Variants in RFX4 observed in about 807,000 individuals in gnomAD.
RFX4 encodes regulatory factor X4, also known as transcription factor RFX4.
RFX4 carries 10 observed loss-of-function variants against 95.0 expected under a neutral mutation model. The observed-to-expected ratio is 0.11, with a 90% CI of 0.06 to 0.18. The LOEUF is 0.18. Among genes scored for constraint, RFX4 ranks in the 10% least tolerant of loss-of-function variants. The pLI, the probability that RFX4 is intolerant of heterozygous loss-of-function variation, is 1.00. For missense variants in RFX4, 640 were observed against 922.0 expected (o/e 0.69, Z 3.96); for synonymous variants, 321 against 340.7 (o/e 0.94, Z 0.64).
At chr12:106,760,824 ATATT>A (rs1215333276) in intron 17 of RFX4, among the ~76,000 whole-genome samples, 1 of 151,674 alleles carries the variant, frequency 6.6e-6, no homozygotes, top group Non-Finnish European at 1.5e-5. Context: ...CTGTACATCC[ATATT>A]TATTTATCTG....
In RFX4 at chr12:106,651,662, G is replaced by A. The variant is rs528542867; in HGVS notation, c.192-2566G>A. 3.9e-5 allele frequency among the ~76,000 whole-genome samples: 6 copies of A among 152,266 alleles called. No individual in the cohort carries two copies. The East Asian group carries it at 1.2e-3, about 29-fold the overall frequency. ...GATCATGTCTTATGCCAACACAAGT[G>A]CCTACAGGAGCCAGACAAGGAACAG... On this transcript the variant is annotated intron_variant, in intron 3 of 17. Transcript: ENST00000392842.
chr12:106,742,450 T>A (rs893587925), intron 15 of RFX4, among the ~76,000 whole-genome samples: 2 of 152,192 alleles, frequency 1.3e-5, no homozygotes, highest in Admixed American at 6.5e-5. Flanking sequence ...CCCAAAGTGC[T>A]GGGATTATAG....
At chr12:106,608,623 A>AT (rs2039887600) in intron 1 of RFX4, among the ~76,000 whole-genome samples, 174 bp from the exon 2 acceptor site, 1 of 152,238 alleles carries the variant, frequency 6.6e-6, no homozygotes, top group South Asian at 2.1e-4. Flanking sequence ...AATGGTGCAC[A>AT]TGGAACTCCA....
At chr12:106,753,913 C>G (rs551768369) in intron 17 of RFX4, among the ~76,000 whole-genome samples, 2 of 152,244 alleles carry the variant, frequency 1.3e-5, no homozygotes, top group Admixed American at 6.5e-5. Context: ...CTCAGGGCCC[C>G]CACAAAATGA....
chr12:106,619,590 T>C (rs1188575752), intron 2 of RFX4, among the ~76,000 whole-genome samples: 1 of 152,190 alleles, frequency 6.6e-6, no homozygotes, highest in African/African-American at 2.4e-5. Flanking sequence ...TTATTCTTCT[T>C]GGGGATCACT....
intron 4 of RFX4, among the ~76,000 whole-genome samples, chr12:106,681,383 A>C (rs554008505): frequency 6.6e-6 from 1 of 152,078 alleles, no homozygotes; most frequent in Non-Finnish European, 1.5e-5. Context: ...CCCTTGTGCT[A>C]CTCCACACTG....
intron 15 of RFX4, among the ~76,000 whole-genome samples, chr12:106,734,858 C>T (rs1047030235): frequency 5.9e-5 from 9 of 151,890 alleles, no homozygotes; most frequent in Non-Finnish European, 7.4e-5. Context: ...GCCAAGAGTT[C>T]GAGACCACTC....
chr12:106,729,760 G>A (rs769396111), intron 13 of RFX4, among the ~76,000 whole-genome samples: 1 of 152,194 alleles, frequency 6.6e-6, no homozygotes, highest in Non-Finnish European at 1.5e-5. Context: ...GGATTAGGGA[G>A]GGTAAAGGAA....
At chr12:106,652,860 T>C (rs1198132699) in intron 3 of RFX4, among the ~76,000 whole-genome samples, 1 of 152,206 alleles carries the variant, frequency 6.6e-6, no homozygotes, top group Non-Finnish European at 1.5e-5. Flanking sequence ...CTTTGGCAAA[T>C]GCTCTCAGAG....
chr12:106,609,075 G>A (rs561553855), intron 2 of RFX4, among the ~76,000 whole-genome samples, 192 bp downstream of exon 2: 5 of 152,120 alleles, frequency 3.3e-5, no homozygotes, highest in East Asian at 1.9e-4. Context: ...AGGAAGACCT[G>A]GAAACTAAGA....
intron 3 of RFX4, among the ~76,000 whole-genome samples, chr12:106,643,884 A>G (rs2040686893): frequency 6.6e-6 from 1 of 152,228 alleles, no homozygotes; most frequent in Non-Finnish European, 1.5e-5. Context: ...CCTCAAAAGC[A>G]ACCCTATTCA....
intron 1 of RFX4, among the ~76,000 whole-genome samples, chr12:106,604,107 TTC>T (rs1285471874): frequency 2.7e-5 from 4 of 146,806 alleles, no homozygotes; most frequent in African/African-American, 7.6e-5. Context: ...TCACTACAGC[TTC>T]TCTCTCTTTT....
chr12:106,638,602 G>T (rs1361462118), intron 2 of RFX4, among the ~76,000 whole-genome samples: 1 of 152,148 alleles, frequency 6.6e-6, no homozygotes, highest in Non-Finnish European at 1.5e-5. Flanking sequence ...AACTGTGTGG[G>T]TTATGAACAA....
Position 106,586,249 on chromosome 12 carries a change from T to C in RFX4, c.43+2886T>C, listed in dbSNP as rs2039456281. On this transcript the variant is annotated intron_variant, in intron 1 of 17. Transcript: ENST00000392842. This position sits in a 1 kb window ranked among gnomAD's most constrained non-coding sequence, Gnocchi z 5.6. ...GGTTTGCAGTAAGCGCAGGCGCGCG[T>C]CCCGCTCGGCCCGCGCTACAGCCCC... Among the ~76,000 whole-genome samples, 1 of 151,970 alleles carries C rather than the reference T, an allele frequency of 6.6e-6. No individual in the cohort carries two copies. Among genetic ancestry groups the C allele is most frequent in the African/African-American group, 2.4e-5 (1 of 41,392 alleles).
At chr12:106,744,763 G>A (rs1028827081) in intron 15 of RFX4, among the ~76,000 whole-genome samples, 4 of 152,154 alleles carry the variant, frequency 2.6e-5, no homozygotes, top group African/African-American at 9.7e-5. Context: ...TTCACAGCCC[G>A]ACTGAACCAC....
chr12:106,604,208 C>T (rs1408995738), intron 1 of RFX4, among the ~76,000 whole-genome samples: 1 of 149,604 alleles, frequency 6.7e-6, no homozygotes, highest in Non-Finnish European at 1.5e-5. Flanking sequence ...GCAACCTCTG[C>T]CTCCAGGGTT....
At chr12:106,640,345 A>G (rs1185007423) in intron 3 of RFX4, among the ~76,000 whole-genome samples, 1 of 152,250 alleles carries the variant, frequency 6.6e-6, no homozygotes, top group Non-Finnish European at 1.5e-5. Context: ...TAGAGAAGAG[A>G]GGACAGATCA....
intron 17 of RFX4, among the ~76,000 whole-genome samples, chr12:106,758,023 T>C (rs1246358604): frequency 1.3e-5 from 2 of 152,198 alleles, no homozygotes; most frequent in African/African-American, 4.8e-5. Context: ...TTAAAATCAG[T>C]AGCAACAGCA....
At chr12:106,611,668 G>A (rs12322778) in intron 2 of RFX4, among the ~76,000 whole-genome samples, 4,153 of 152,058 alleles carry the variant, frequency 0.027, 174 homozygotes, top group African/African-American at 0.094. Flanking sequence ...ATGCCACTGC[G>A]CCAGGCTAAT....
Sources: gnomAD v4.1 joint callset for allele counts (sites outside exome capture counted in the v4.1 genomes callset) on GRCh38, gnomAD v4.1.1 for gene constraint, Gnocchi (gnomAD v3.1) non-coding constraint, MANE v1.5 for transcripts, NCBI Gene and HGNC (gene_info 2026-07-23, HGNC 2026-07-21) for gene names.